PHACTR2: variants seen among roughly 807,000 people sequenced by gnomAD.
PHACTR2 encodes the protein phosphatase and actin regulator 2, also known as chromosome 6 open reading frame 56.
A neutral mutation model predicts 76.0 loss-of-function variants in PHACTR2; 30 were observed. The ratio of observed to expected loss-of-function variants is 0.39; its 90% CI spans 0.30 to 0.54. The LOEUF is 0.54. Among genes scored for constraint, PHACTR2 ranks in the 20% least tolerant of loss-of-function variants. The probability of loss-of-function intolerance (pLI) is 0.61; values close to 1 mark genes in which losing one functional copy is unlikely to be tolerated. For synonymous variants in PHACTR2, 292 were observed against 292.5 expected (o/e 1.00, Z 0.02); for missense variants, 696 against 781.1 (o/e 0.89, Z 1.30).
In PHACTR2 at chr6:143,591,484, G is replaced by A. The variant is rs1775691828; in HGVS notation, c.217+54277G>A. 6.6e-6 allele frequency among the ~76,000 whole-genome samples: 1 copy of A among 152,214 alleles called. No homozygotes were observed. Among genetic ancestry groups the A allele is most frequent in the African/African-American group, 2.4e-5 (1 of 41,452 alleles). On this transcript the variant is annotated intron_variant, in intron 1 of 11. Transcript: ENST00000367584. This position sits in a 1 kb window ranked among gnomAD's most constrained non-coding sequence, Gnocchi z 6.4. ...AGAGAAAGAGCATATGAGACCAGGA[G>A]GGACTAAGGTGGTCCTTTCCCAGCC...
chr6:143,663,758 T>C lies in PHACTR2; in HGVS notation c.14-48258T>C, dbSNP rs1463518797. ...TTCTGTTTTTAACTAGGTTTTCTTG[T>C]TGATTTTTAATTTAATTACATTATG... On this transcript the variant is annotated intron_variant, in intron 1 of 11. Transcript: ENST00000305766. The surrounding 1 kb of genome is among the most constrained non-coding windows in gnomAD (Gnocchi z 4.1). 3.3e-5 allele frequency among the ~76,000 whole-genome samples: 5 copies of C among 152,264 alleles called. No homozygotes were observed. In the East Asian group the frequency reaches 9.6e-4, roughly 29 times the overall value.
At position 143,818,370 on chromosome 6, in the gene PHACTR2, C is replaced by G. The variant is rs933537757; in HGVS notation, c.1923-5304C>G. ...TCTCTGCCTTGGGCAAATGAGTTAG[C>G]ATCCCCATGCCTCAGTTTCCACATC... is the stretch of plus-strand genomic sequence containing the variant. On this transcript the variant is annotated intron_variant, in intron 12 of 12. Coordinates refer to ENST00000440869, the MANE Select transcript of PHACTR2 (RefSeq NM_001100164.2). The surrounding 1 kb of genome is among the most constrained non-coding windows in gnomAD (Gnocchi z 4.9). 2.0e-5 allele frequency among the ~76,000 whole-genome samples: 3 copies of G among 152,214 alleles called. No individual in the cohort carries two copies. Among genetic ancestry groups the G allele is most frequent in the Non-Finnish European group, 2.9e-5 (2 of 68,042 alleles).
In PHACTR2 at chr6:143,820,997, C is replaced by A. The variant is rs1776407224; in HGVS notation, c.1923-2677C>A. ...CAGCTTGCACCCTCTGAAGCAGAAG[C>A]CTGAGCTGTATCTGGGGCCCTTTGC... On this transcript the variant is annotated intron_variant, in intron 12 of 12. Transcript: ENST00000440869. The surrounding 1 kb of genome is among the most constrained non-coding windows in gnomAD (Gnocchi z 4.2). Among the ~76,000 whole-genome samples, 1 of 152,256 alleles carries A rather than the reference C, an allele frequency of 6.6e-6. No individual in the cohort carries two copies. Among genetic ancestry groups the A allele is most frequent in the African/African-American group, 2.4e-5 (1 of 41,474 alleles).
At position 143,700,946 on chromosome 6, in the gene PHACTR2, C is replaced by T. The variant is rs1451902931; in HGVS notation, c.47-11070C>T. ...TTCCTAAGCAGTCATCCTATCTGTT[C>T]ATAGAGACAACCCTTCCCTTGTAGC... On this transcript the variant is annotated intron_variant, in intron 1 of 12. Coordinates refer to ENST00000440869, the MANE Select transcript of PHACTR2 (RefSeq NM_001100164.2). This position sits in a 1 kb window ranked among gnomAD's most constrained non-coding sequence, Gnocchi z 4.1. Among the ~76,000 whole-genome samples, 1 of 152,234 alleles carries T rather than the reference C, an allele frequency of 6.6e-6. No homozygotes were observed. The highest frequency in any genetic ancestry group is 1.5e-5 in the Non-Finnish European group (1 of 68,046).
At position 143,653,845 on chromosome 6, in the gene PHACTR2, A is replaced by G. The variant is rs911045382; in HGVS notation, c.13+45523A>G. ...TTAAAATATGACACTAAAAGCACGAAAAACAAAAGAAACAATAATAATTTG... is the reference window on the plus strand; with the variant it reads ...TTAAAATATGACACTAAAAGCACGAGAAACAAAAGAAACAATAATAATTTG... On this transcript the variant is annotated intron_variant, in intron 1 of 11. Transcript: ENST00000305766. The surrounding 1 kb of genome is among the most constrained non-coding windows in gnomAD (Gnocchi z 4.9). Among the ~76,000 whole-genome samples the G allele has an allele frequency of 6.6e-6, 1 of 152,186 alleles. No individual in the cohort carries two copies.
rs1491044628 is a variant in PHACTR2 at position 143,783,035 on chromosome 6, GTA to G, written c.1646-182_1646-181del. ...TGTGTGTGTGTGTGTGTGTGTGTGT[GTA>G]TGTGTGTGTGTGTGTAAGATGATCA... On this transcript the variant is annotated intron_variant, in intron 9 of 12. Transcript: ENST00000440869. The surrounding 1 kb of genome is among the most constrained non-coding windows in gnomAD (Gnocchi z 5.2). 8.6e-5 allele frequency among the ~76,000 whole-genome samples: 13 copies of G among 151,432 alleles called. No homozygotes were observed. The highest frequency in any genetic ancestry group is 2.9e-4 in the African/African-American group (12 of 41,270).
chr6:143,667,327 G>T (rs1205813580), intron 1 of PHACTR2, among the ~76,000 whole-genome samples: 1 of 152,134 alleles, frequency 6.6e-6, no homozygotes, highest in Non-Finnish European at 1.5e-5. Flanking sequence ...CTCCAGCTTT[G>T]TTCTTTTTGC....
chr6:143,661,641 C>T (rs1674381726), intron 1 of PHACTR2, among the ~76,000 whole-genome samples: 1 of 151,484 alleles, frequency 6.6e-6, no homozygotes, highest in Admixed American at 6.6e-5. Flanking sequence ...TCACTACAAC[C>T]TCCTATTCCC....
At chr6:143,805,518 A>G (rs116364946) in intron 11 of PHACTR2, among the ~76,000 whole-genome samples, 1 of 151,444 alleles carries the variant, frequency 6.6e-6, no homozygotes, top group African/African-American at 2.4e-5. Flanking sequence ...TCAAGGAAGA[A>G]CGTTTTATAG....
In PHACTR2 at chr6:143,696,562, T is replaced by C. The variant is rs1347206331; in HGVS notation, c.47-15454T>C. 6.6e-6 allele frequency among the ~76,000 whole-genome samples: 1 copy of C among 152,074 alleles called. No individual in the cohort carries two copies. Among genetic ancestry groups the C allele is most frequent in the East Asian group, 1.9e-4 (1 of 5,194 alleles). ...CAGATGAGGAAGGGACTCTGAAAGG[T>C]TGAATTACAGACCTAAGGTTACCAG... On this transcript the variant is annotated intron_variant, in intron 1 of 12. Transcript: ENST00000440869. This position sits in a 1 kb window ranked among gnomAD's most constrained non-coding sequence, Gnocchi z 4.1.
upstream of PHACTR2, among the ~76,000 whole-genome samples, chr6:143,677,489 A>G (rs1444308371): frequency 6.6e-6 from 1 of 152,126 alleles, no homozygotes; most frequent in Non-Finnish European, 1.5e-5. Context: ...TATTTTGTTG[A>G]TCTCACACGT....
chr6:143,605,088 G>A (rs1403496504), upstream of PHACTR2, among the ~76,000 whole-genome samples: 1 of 151,016 alleles, frequency 6.6e-6, no homozygotes, highest in Non-Finnish European at 1.5e-5. This position sits in a 1 kb window ranked among gnomAD's most constrained non-coding sequence, Gnocchi z 5.0. Context: ...AGACAGGCCC[G>A]GCATCCCAAA....
In PHACTR2 at chr6:143,709,537, A is replaced by G. The variant is rs1191558382; in HGVS notation, c.47-2479A>G. ...GTTATGTGACTCTAGATCTTGTTTG[A>G]AACCTTTGGTTTTAACTGGCTTTGT... On this transcript the variant is annotated intron_variant, in intron 1 of 12. Transcript: ENST00000440869. The surrounding 1 kb of genome is among the most constrained non-coding windows in gnomAD (Gnocchi z 4.4). Among the ~76,000 whole-genome samples the G allele has an allele frequency of 1.3e-5, 2 of 152,298 alleles. No individual in the cohort carries two copies. Among genetic ancestry groups the G allele is most frequent in the Non-Finnish European group, 1.5e-5 (1 of 68,022 alleles).
chr6:143,624,691 G>A lies in PHACTR2; in HGVS notation c.13+16369G>A, dbSNP rs756194274. 2.0e-5 allele frequency among the ~76,000 whole-genome samples: 3 copies of A among 152,080 alleles called. No homozygotes were observed. The highest frequency in any genetic ancestry group is 2.9e-5 in the Non-Finnish European group (2 of 68,028). On this transcript the variant is annotated intron_variant, in intron 1 of 11. Transcript: ENST00000305766. The surrounding 1 kb of genome is among the most constrained non-coding windows in gnomAD (Gnocchi z 4.6). ...TTCAATCTGCCCTTGAGGAGCTCCA[G>A]GCCTAAAGCTGGAACCCCACGGTTG...
In PHACTR2 at chr6:143,774,275, T is replaced by C; in HGVS notation, c.1589+60T>C. The C allele has an allele frequency of 1.4e-6, 2 of 1,385,248 alleles. No individual in the cohort carries two copies. Among genetic ancestry groups the C allele is most frequent in the South Asian group, 2.5e-5 (2 of 81,098 alleles). The allele number at this position is 1,385,248 out of a possible 1,614,324, so 85.8% of individuals were successfully genotyped here. On this transcript the variant is annotated intron_variant, in intron 8 of 12. Coordinates refer to ENST00000440869, the MANE Select transcript of PHACTR2 (RefSeq NM_001100164.2). The surrounding 1 kb of genome is among the most constrained non-coding windows in gnomAD (Gnocchi z 5.4). Reference sequence around the variant, plus strand: ...TTTGTATTTTTCTCCCTCCCAAAGCTTCCTACCTAACTGGGGTCATTGTGA... The same window carrying C: ...TTTGTATTTTTCTCCCTCCCAAAGCCTCCTACCTAACTGGGGTCATTGTGA...
rs1776632741 is a variant in PHACTR2 at position 143,830,145 on chromosome 6, A to C, written c.*6456A>C. 1 of 152,208 alleles carries C rather than the reference A, an allele frequency of 6.6e-6. No homozygotes were observed. Among genetic ancestry groups the C allele is most frequent in the Non-Finnish European group, 1.5e-5 (1 of 68,036 alleles). 9.4% of individuals were successfully genotyped at this position (152,208 alleles called of 1,614,324 possible). A position where few individuals can be genotyped will look rare whatever the true frequency, so the allele number is the denominator to read the frequency against. ...GGTCAAACCACTTTCATCCCTTAAAATATAGGGACTAATATTTCTTTTTCT... is the reference window on the plus strand; with the variant it reads ...GGTCAAACCACTTTCATCCCTTAAACTATAGGGACTAATATTTCTTTTTCT... On this transcript the variant is annotated 3_prime_UTR_variant, in exon 13 of 13. Transcript: ENST00000440869.
At chr6:143,665,659 C>T (rs1184876517) in intron 1 of PHACTR2, among the ~76,000 whole-genome samples, 1 of 152,118 alleles carries the variant, frequency 6.6e-6, no homozygotes, top group Non-Finnish European at 1.5e-5. Context: ...TTCATTACAC[C>T]CACTGCTACC....
chr6:143,769,842 C>A (rs1251888952), intron 6 of PHACTR2, among the ~76,000 whole-genome samples: 1 of 152,054 alleles, frequency 6.6e-6, no homozygotes, highest in East Asian at 1.9e-4. Context: ...AGAATGGCTT[C>A]CAGTGGCAAT....
intron 2 of PHACTR2, among the ~76,000 whole-genome samples, chr6:143,718,852 TAAGAAGTTGGA>T (rs1778363222): frequency 6.6e-6 from 1 of 151,492 alleles, no homozygotes; most frequent in Non-Finnish European, 1.5e-5. Flanking sequence ...CTTATTCCAC[TAAGAAGTTGGA>T]AAGTTGGAAG....
Sources: allele counts gnomAD v4.1 joint callset (sites outside exome capture counted in the v4.1 genomes callset), GRCh38; gene constraint gnomAD v4.1.1; non-coding constraint Gnocchi (gnomAD v3.1); transcripts MANE v1.5; gene names NCBI Gene and HGNC (gene_info 2026-07-23, HGNC 2026-07-21).